The following AFAP1L2 variants were observed in gnomAD, a reference collection of about 807,000 sequenced individuals.
The protein encoded by AFAP1L2 is actin filament-associated protein 1-like 2.
In AFAP1L2, 46 loss-of-function variants were observed where a neutral mutation model predicts 99.3. The observed-to-expected ratio is 0.46, with a 90% CI of 0.37 to 0.59. The LOEUF (loss-of-function observed/expected upper bound fraction) is 0.59, where lower values mean the gene tolerates loss of function less well. AFAP1L2 is among the 20% of genes least tolerant of loss of function. The pLI is 0.00. For synonymous variants in AFAP1L2, 397 were observed against 419.1 expected, an observed-to-expected ratio of 0.95 and a Z score of 0.64; for missense variants, 959 against 1,034.9, an observed-to-expected ratio of 0.93 and a Z score of 1.01.
intron 1 of AFAP1L2, among the ~76,000 whole-genome samples, chr10:114,367,795 A>G (rs1417993190): frequency 2.6e-5 from 4 of 152,226 alleles, no homozygotes; most frequent in Non-Finnish European, 5.9e-5. Context: ...ATGTTTTGCA[A>G]CATCAACAGC....
At chr10:114,309,460 C>T (rs942509763) in intron 8 of AFAP1L2, among the ~76,000 whole-genome samples, 1 of 152,170 alleles carries the variant, frequency 6.6e-6, no homozygotes, top group African/African-American at 2.4e-5. Context: ...GTGGGGACCC[C>T]AAGAGGAGCC....
chr10:114,320,026 G>A (rs2044887150), intron 5 of AFAP1L2, among the ~76,000 whole-genome samples: 1 of 152,152 alleles, frequency 6.6e-6, no homozygotes, highest in African/African-American at 2.4e-5. Flanking sequence ...CATGGAAGGA[G>A]CCCGGGCACC....
the AFAP1L2 span, among the ~76,000 whole-genome samples, chr10:114,285,758 C>T: frequency 6.6e-6 from 1 of 152,228 alleles, no homozygotes; most frequent in Non-Finnish European, 1.5e-5. Context: ...TTAGCGAGTG[C>T]CAGGAGTGCC....
chr10:114,404,040 C>T (rs553031355), intron 1 of AFAP1L2, among the ~76,000 whole-genome samples: 25 of 152,278 alleles, frequency 1.6e-4, no homozygotes, highest in African/African-American at 5.8e-4. Context: ...ACTCAACAGC[C>T]CGACCCTTTG....
chr10:114,300,304 T>G lies in AFAP1L2; in HGVS notation c.1847A>C (p.Gln616Pro). The G allele has an allele frequency of 6.2e-7, 1 of 1,614,170 alleles. No homozygotes were observed. Among genetic ancestry groups the G allele is most frequent in the Non-Finnish European group, 8.5e-7 (1 of 1,180,034 alleles). Residue 616 changes from glutamine to proline, a missense_variant, in exon 15 of 19, where the codon CAG becomes CCG. Physicochemically the swap from Gln to Pro is moderately conservative, Grantham distance 76 (BLOSUM62 -1). Around this residue, in one of 2 missense-constraint regions of AFAP1L2, gnomAD observed 576 missense variants for 562.1 expected, o/e 1.02. Transcript: ENST00000304129. ...GAAGGAGATTCTCTGCTGTTCCGTC[T>G]GGATTTTGACGGTGGTGATTCTCAG... ...PSLRITTVKIQTEQQRISFPP... is the reference protein window; with the variant it reads ...PSLRITTVKIPTEQQRISFPP...
chr10:114,360,517 A>ATAGT lies in AFAP1L2; in HGVS notation c.17-19787_17-19786insACTA, dbSNP rs1554937736. ...GATAGATAGATAGATAGTTAGATAGATAGATAGATAGATAGATAGATAGAT... is the reference window on the plus strand; with the variant it reads ...GATAGATAGATAGATAGTTAGATAGATAGTTAGATAGATAGATAGATAGATAGAT... On this transcript the variant is annotated intron_variant, in intron 1 of 18. Transcript: ENST00000304129. Among the ~76,000 whole-genome samples, 104 of 125,856 alleles carry ATAGT rather than the reference A, an allele frequency of 8.3e-4. 1 individual carries two copies. Among genetic ancestry groups the ATAGT allele is most frequent in the African/African-American group, 2.9e-3 (100 of 34,160 alleles). 82.6% of individuals were successfully genotyped at this position (125,856 alleles called of 152,430 possible).
chr10:114,296,929 T>C, intron 18 of AFAP1L2, 49 bp downstream of exon 18: 1 of 1,613,358 alleles, frequency 6.2e-7, no homozygotes, highest in Non-Finnish European at 8.5e-7. Context: ...GGCCCCTACC[T>C]TAGTGACATT....
intron 1 of AFAP1L2, among the ~76,000 whole-genome samples, chr10:114,351,912 A>G (rs1298552654): frequency 1.3e-5 from 2 of 152,156 alleles, no homozygotes; most frequent in Non-Finnish European, 2.9e-5. Context: ...TGGCTGCACC[A>G]TATACTGGCT....
chr10:114,329,109 C>T (rs1466140661), intron 4 of AFAP1L2, among the ~76,000 whole-genome samples: 3 of 152,152 alleles, frequency 2.0e-5, no homozygotes, highest in African/African-American at 7.2e-5. Context: ...TCCTTGGGAT[C>T]GTGCCATTCC....
chr10:114,285,571 T>C, the AFAP1L2 span, among the ~76,000 whole-genome samples: 2 of 152,236 alleles, frequency 1.3e-5, no homozygotes, highest in Admixed American at 6.5e-5. Context: ...AGCGTGGCTA[T>C]AGACCTCTGT....
intron 11 of AFAP1L2, 28 bp from the exon 12 acceptor site, chr10:114,302,512 C>A (rs2041386312): frequency 6.2e-7 from 1 of 1,612,754 alleles, no homozygotes; most frequent in Non-Finnish European, 8.5e-7. Context: ...GAGACATAAG[C>A]AGGGCCAGGC....
At chr10:114,390,536 C>T (rs574377591) in intron 1 of AFAP1L2, among the ~76,000 whole-genome samples, 1 of 152,206 alleles carries the variant, frequency 6.6e-6, no homozygotes, top group African/African-American at 2.4e-5. Context: ...GCCTGACCAA[C>T]ATGGTGAAAC....
intron 1 of AFAP1L2, among the ~76,000 whole-genome samples, chr10:114,402,397 T>C (rs1303897368): frequency 6.6e-6 from 1 of 152,188 alleles, no homozygotes; most frequent in Non-Finnish European, 1.5e-5. Context: ...CAGTGAAAGG[T>C]GTAGTAAACC....
chr10:114,368,248 ACT>A lies in AFAP1L2; in HGVS notation c.17-27519_17-27518del, dbSNP rs1450648818. Among the ~76,000 whole-genome samples, 3 of 152,310 alleles carry A rather than the reference ACT, an allele frequency of 2.0e-5. No homozygotes were observed. In the South Asian group the frequency reaches 6.2e-4, roughly 32 times the overall value. On this transcript the variant is annotated intron_variant, in intron 1 of 18. Transcript: ENST00000304129. The stretch of plus-strand genomic sequence containing the variant: ...CATATACAGAATCTGAAAAAGGTAA[ACT>A]CACAGAAGCAGAGAGTAGAATGATG...
At chr10:114,283,286 C>G in the AFAP1L2 span, among the ~76,000 whole-genome samples, 126 of 151,170 alleles carry the variant, frequency 8.3e-4, no homozygotes, top group Middle Eastern at 3.4e-3. Flanking sequence ...GACACACAGG[C>G]AGGCAGGGCA....
rs1289189927 is a variant in AFAP1L2 at position 114,295,261 on chromosome 10, G to GTC, written c.*779_*780dup. 17 of 985,288 alleles carry GTC rather than the reference G, an allele frequency of 1.7e-5. No individual in the cohort carries two copies. In the South Asian group the frequency reaches 6.6e-4, roughly 38 times the overall value. 61.0% of individuals were successfully genotyped at this position (985,288 alleles called of 1,614,324 possible). A position where few individuals can be genotyped will look rare whatever the true frequency, so the allele number is the denominator to read the frequency against. On this transcript the variant is annotated 3_prime_UTR_variant, in exon 19 of 19. Transcript: ENST00000304129. The stretch of plus-strand genomic sequence containing the variant: ...AGTAATATTTTTCCTACAGTAAAGA[G>GTC]TCACTTTAATCTCAAAAGATACTTT...
At chr10:114,354,246 C>T (rs2050970966) in intron 1 of AFAP1L2, among the ~76,000 whole-genome samples, 1 of 152,166 alleles carries the variant, frequency 6.6e-6, no homozygotes, top group African/African-American at 2.4e-5. Flanking sequence ...AGCCGCCACA[C>T]AAAGGAGCAA....
At chr10:114,364,457 A>G (rs1359924399) in intron 1 of AFAP1L2, among the ~76,000 whole-genome samples, 1 of 152,140 alleles carries the variant, frequency 6.6e-6, no homozygotes, top group Non-Finnish European at 1.5e-5. Context: ...GTCATCCTCA[A>G]CATTCCCTGG....
chr10:114,399,868 A>G (rs374320688), intron 1 of AFAP1L2, among the ~76,000 whole-genome samples: 7 of 152,298 alleles, frequency 4.6e-5, no homozygotes, highest in Admixed American at 3.3e-4. Flanking sequence ...CCTCTCTCCA[A>G]AGATTCCTCA....
Sources: allele counts gnomAD v4.1 joint callset (sites outside exome capture counted in the v4.1 genomes callset), GRCh38; gene constraint gnomAD v4.1.1; regional missense constraint gnomAD v4.1.1; transcripts MANE v1.5; gene names NCBI Gene and HGNC (gene_info 2026-07-23, HGNC 2026-07-21).